KNL1: variants seen among roughly 807,000 people sequenced by gnomAD.
The protein encoded by KNL1 is outer kinetochore KNL1 complex subunit KNL1.
In KNL1, 66 loss-of-function variants were observed where a neutral mutation model predicts 201.3. The observed-to-expected ratio is 0.33, with a 90% CI of 0.27 to 0.40. The LOEUF is 0.40. KNL1 is among the 10% of genes least tolerant of loss of function. KNL1 has a pLI of 1.00. For synonymous variants in KNL1, 895 were observed against 899.2 expected, an observed-to-expected ratio of 1.00 and a Z score of 0.08; for missense variants, 2,815 against 2,690.5, an observed-to-expected ratio of 1.05 and a Z score of -1.02.
rs372667005 is a variant in KNL1 at position 40,659,480 on chromosome 15, G to A, written c.6836+19G>A. The A allele has an allele frequency of 6.2e-7, 1 of 1,606,130 alleles. No homozygotes were observed. The highest frequency in any genetic ancestry group is 1.3e-5 in the African/African-American group (1 of 74,556). ...ACACTAGGTGAGTAAAGGGCCAACAGGGTAAGACTCTGGGCTACTTCTTTT... is the reference window on the plus strand; with the variant it reads ...ACACTAGGTGAGTAAAGGGCCAACAAGGTAAGACTCTGGGCTACTTCTTTT... On this transcript the variant is annotated intron_variant, in intron 25 of 25. Coordinates refer to ENST00000399668, the MANE Select transcript of KNL1 (RefSeq NM_144508.5).
intron 13 of KNL1, among the ~76,000 whole-genome samples, chr15:40,631,949 C>A: frequency 6.7e-6 from 1 of 149,212 alleles, no homozygotes; most frequent in Non-Finnish European, 1.5e-5. Flanking sequence ...TTCAAGGCTG[C>A]AGTGAGCTAT....
At position 40,625,856 on chromosome 15, in the gene KNL1, CA is replaced by C. The variant is rs201248322; in HGVS notation, c.5376+223del. The C allele has an allele frequency of 9.9e-4, 442 of 445,400 alleles. 2 individuals carry two copies. In the East Asian group the frequency reaches 0.016, roughly 16 times the overall value. 27.6% of individuals were successfully genotyped at this position (445,400 alleles called of 1,614,324 possible). On this transcript the variant is annotated intron_variant, in intron 10 of 25. Transcript: ENST00000399668. ...AGCAATTTAAAGTGACAAATAGTCACAAAAAAATTAAATGGAAAATTGTACA... is the reference window on the plus strand; with the variant it reads ...AGCAATTTAAAGTGACAAATAGTCACAAAAAATTAAATGGAAAATTGTACA...
At chr15:40,651,351 C>A in intron 19 of KNL1, 120 bp from the exon 20 acceptor site, 2 of 409,034 alleles carry the variant, frequency 4.9e-6, no homozygotes, top group Non-Finnish European at 8.6e-6. Flanking sequence ...ATACACCTAA[C>A]ATTATTACCT....
chr15:40,619,222 A>G (rs1431856066), intron 9 of KNL1, among the ~76,000 whole-genome samples: 1 of 152,130 alleles, frequency 6.6e-6, no homozygotes, highest in Non-Finnish European at 1.5e-5. Flanking sequence ...AGTACCTCTC[A>G]AAGTTTAAAG....
intron 23 of KNL1, 47 bp downstream of exon 23, chr15:40,657,198 C>A: frequency 1.6e-6 from 2 of 1,235,010 alleles, no homozygotes; most frequent in South Asian, 1.3e-5. Context: ...GATATCTTTC[C>A]AAAAAAAGCA....
chr15:40,612,089 G>A (rs866886111), intron 7 of KNL1, among the ~76,000 whole-genome samples: 2 of 152,036 alleles, frequency 1.3e-5, no homozygotes, highest in Non-Finnish European at 2.9e-5. Flanking sequence ...AGGCTGAGGC[G>A]GGTAGATCAC....
chr15:40,634,517 A>G (rs542994467), intron 13 of KNL1, among the ~76,000 whole-genome samples: 1 of 152,338 alleles, frequency 6.6e-6, no homozygotes, highest in Non-Finnish European at 1.5e-5. Flanking sequence ...CTGGAGAATT[A>G]TATATTTGAA....
chr15:40,639,181 G>A (rs1448795145), intron 13 of KNL1, among the ~76,000 whole-genome samples: 1 of 145,176 alleles, frequency 6.9e-6, no homozygotes, highest in African/African-American at 2.5e-5. Context: ...TTGGCTGGGT[G>A]CAGTGGCTCA....
intron 13 of KNL1, among the ~76,000 whole-genome samples, chr15:40,630,496 G>A (rs973544572): frequency 2.0e-5 from 3 of 152,216 alleles, no homozygotes; most frequent in African/African-American, 7.2e-5. Flanking sequence ...CCAAACAGCA[G>A]GAGGTGAATG....
intron 13 of KNL1, among the ~76,000 whole-genome samples, chr15:40,639,956 C>G (rs1467687424): frequency 2.6e-5 from 4 of 152,076 alleles, no homozygotes; most frequent in Non-Finnish European, 4.4e-5. Context: ...ATCTGTAGTA[C>G]TAGCTACTGG....
rs1595930792 is a variant in KNL1, at chr15:40,628,292, G to A, written c.5515+84G>A. On this transcript the variant is annotated intron_variant, in intron 11 of 25. Transcript: ENST00000399668. ...GTAGTTTTCAGTTCAGGAAATATTT[G>A]AATGTTGTATATGCCTTTTTGGGGT... 21 of 1,403,562 alleles carry A rather than the reference G, an allele frequency of 1.5e-5. 1 individual carries two copies. In the East Asian group the frequency reaches 3.8e-4, roughly 25 times the overall value. 86.9% of individuals were successfully genotyped at this position (1,403,562 alleles called of 1,614,324 possible).
intron 14 of KNL1, among the ~76,000 whole-genome samples, chr15:40,642,627 T>A (rs1893264555): frequency 6.6e-6 from 1 of 152,032 alleles, no homozygotes; most frequent in African/African-American, 2.4e-5. Flanking sequence ...TGTTTGTTTG[T>A]TTCTTTGTTT....
chr15:40,658,302 G>A (rs1015164075), intron 24 of KNL1, among the ~76,000 whole-genome samples: 2 of 151,808 alleles, frequency 1.3e-5, no homozygotes, highest in African/African-American at 4.8e-5. Flanking sequence ...GGCTGAGGCA[G>A]GTGGATCACG....
chr15:40,647,894 C>T (rs768989462), intron 17 of KNL1, among the ~76,000 whole-genome samples: 2 of 152,190 alleles, frequency 1.3e-5, no homozygotes, highest in Non-Finnish European at 2.9e-5. Flanking sequence ...CTGTTGGCCT[C>T]TCTTTCTCTA....
At chr15:40,602,868 G>A in intron 1 of KNL1, 47 bp from the exon 2 acceptor site, 1 of 1,029,542 alleles carries the variant, frequency 9.7e-7, no homozygotes, top group East Asian at 2.4e-5. Context: ...GACTGTAGTT[G>A]CTCTTCCTTT....
At position 40,621,082 on chromosome 15, in the gene KNL1, T is replaced by A; in HGVS notation, c.818T>A (p.Leu273His). The A allele has an allele frequency of 1.2e-6, 2 of 1,613,286 alleles. No individual in the cohort carries two copies. The highest frequency in any genetic ancestry group is 1.7e-6 in the Non-Finnish European group (2 of 1,179,652). The change falls in exon 10 of 26, where the codon CTC becomes CAC. Residue 273 changes from leucine (L) to histidine (H), a missense_variant. Physicochemically the swap from Leu to His is moderately conservative, Grantham distance 99. This residue lies in a region of KNL1 where 2,464 missense variants were observed against 2,291.7 expected (regional missense o/e 1.08). Transcript: ENST00000399668. Reference sequence around the variant, plus strand: ...GAAAATAACAGTAATATTACTAGGCTCTTTAGAGAAAAAGATGATGGGATG... The same window carrying A: ...GAAAATAACAGTAATATTACTAGGCACTTTAGAGAAAAAGATGATGGGATG... ...EDENNSNITRLFREKDDGMNF... is the reference protein window; with the variant it reads ...EDENNSNITRHFREKDDGMNF...
chr15:40,621,704 AGAG>A lies in KNL1; in HGVS notation c.1444_1446del (p.Glu482del). 2 of 1,611,832 alleles carry A rather than the reference AGAG, an allele frequency of 1.2e-6. No individual in the cohort carries two copies. The highest frequency in any genetic ancestry group is 1.7e-6 in the Non-Finnish European group (2 of 1,178,214). ...TCACAGAGAAAACTATTTATTCCGGAGAGGAGAACATGGACATTACCAAGAGTC... is the reference window on the plus strand; with the variant it reads ...TCACAGAGAAAACTATTTATTCCGGAGAGAACATGGACATTACCAAGAGTC... On this transcript the variant is annotated inframe_deletion, in exon 10 of 26. Coordinates refer to ENST00000399668, the MANE Select transcript of KNL1 (RefSeq NM_144508.5).
chr15:40,650,731 A>C, intron 19 of KNL1, 148 bp downstream of exon 19: 1 of 622,820 alleles, frequency 1.6e-6, no homozygotes, highest in Non-Finnish European at 2.6e-6. Context: ...GGAAACCTAG[A>C]GTCCATCTTA....
chr15:40,607,237 C>T (rs1055041886), intron 4 of KNL1, among the ~76,000 whole-genome samples: 3 of 152,302 alleles, frequency 2.0e-5, no homozygotes, highest in South Asian at 2.1e-4. Flanking sequence ...GTGCCAACAT[C>T]GTAACAAAGT....
Sources: gnomAD v4.1 joint callset for allele counts (sites outside exome capture counted in the v4.1 genomes callset) on GRCh38, gnomAD v4.1.1 for gene constraint, gnomAD v4.1.1 regional missense constraint, MANE v1.5 for transcripts, NCBI Gene and HGNC (gene_info 2026-07-23, HGNC 2026-07-21) for gene names.